The following LSM14A variants were observed in gnomAD, a reference collection of about 807,000 sequenced individuals.
LSM14A encodes the protein protein LSM14 homolog A.
A neutral mutation model predicts 52.4 loss-of-function variants in LSM14A; 14 were observed. The ratio of observed to expected loss-of-function variants is 0.27; its 90% confidence interval spans 0.18 to 0.42. LSM14A has a LOEUF of 0.42. LSM14A is among the 10% of genes least tolerant of loss of function. LSM14A has a pLI of 1.00. For synonymous variants in LSM14A, 185 were observed against 200.3 expected (o/e 0.92, Z 0.64); for missense variants, 417 against 581.8 (o/e 0.72, Z 2.91).
intron 9 of LSM14A, among the ~76,000 whole-genome samples, chr19:34,224,643 C>T (rs1339638979): frequency 6.6e-6 from 1 of 152,196 alleles, no homozygotes; most frequent in African/African-American, 2.4e-5. Flanking sequence ...CCCTGCTCTT[C>T]TTAATTGTGT....
intron 1 of LSM14A, among the ~76,000 whole-genome samples, chr19:34,181,073 C>T (rs2069446633): frequency 6.6e-6 from 1 of 152,078 alleles, no homozygotes; most frequent in Non-Finnish European, 1.5e-5. Flanking sequence ...GCATCTGTTC[C>T]CCAGACTTCT....
rs1389755629 is a variant in LSM14A, at chr19:34,172,667, G to C, written c.25G>C (p.Gly9Arg). The C allele has an allele frequency of 6.3e-7, 1 of 1,576,752 alleles. No individual in the cohort carries two copies. The highest frequency in any genetic ancestry group is 8.6e-7 in the Non-Finnish European group (1 of 1,163,390). Residue 9 changes from glycine (G) to arginine (R), a missense_variant, in exon 1 of 10, where the codon GGC becomes CGC. Gly to Arg is a moderately radical substitution (Grantham distance 125, BLOSUM62 -2). Transcript: ENST00000544216. ...CATGAGCGGGGGCACCCCTTACATC[G>C]GCAGCAAGATCAGCCTCATCTCCAA... MSGGTPYI[G>R]SKISLISKAE... is the part of the protein sequence containing the mutation.
At chr19:34,187,211 T>C (rs899094738) in intron 1 of LSM14A, among the ~76,000 whole-genome samples, 4 of 150,086 alleles carry the variant, frequency 2.7e-5, no homozygotes, top group African/African-American at 7.4e-5. Context: ...ATCGCGCCAC[T>C]GCACTCCAGC....
chr19:34,194,381 C>A (rs1599678675), intron 1 of LSM14A, 97 bp from the exon 2 acceptor site: 1 of 1,100,610 alleles, frequency 9.1e-7, no homozygotes, highest in Non-Finnish European at 1.3e-6. Flanking sequence ...CATTTCAGAA[C>A]TACTGCTTAG....
At chr19:34,184,740 A>G (rs1039859684) in intron 1 of LSM14A, among the ~76,000 whole-genome samples, 7 of 152,102 alleles carry the variant, frequency 4.6e-5, no homozygotes, top group African/African-American at 1.7e-4. Flanking sequence ...TAGGTTACAG[A>G]TTGTTATTAT....
intron 9 of LSM14A, among the ~76,000 whole-genome samples, chr19:34,224,839 C>T (rs917766458): frequency 1.3e-5 from 2 of 152,136 alleles, no homozygotes; most frequent in African/African-American, 4.8e-5. Context: ...TGGTGCTGAC[C>T]GATGTAGGCC....
At chr19:34,202,886 T>C in intron 3 of LSM14A, among the ~76,000 whole-genome samples, 1 of 152,172 alleles carries the variant, frequency 6.6e-6, no homozygotes, top group East Asian at 1.9e-4. Context: ...CTCGATCTCC[T>C]GACCTCGTGA....
rs2072481865 is a variant in LSM14A, at chr19:34,215,182, G to T, written c.597G>T (p.Val199=). 1 of 1,614,146 alleles carries T rather than the reference G, an allele frequency of 6.2e-7. No homozygotes were observed. The highest frequency in any genetic ancestry group is 8.5e-7 in the Non-Finnish European group (1 of 1,180,026). The change falls in exon 5 of 10, where the codon GTG becomes GTT. Residue 199 remains valine, a synonymous_variant. Coordinates refer to ENST00000544216, the MANE Select transcript of LSM14A (RefSeq NM_015578.4). ...AAAGCCCAACCATGGAACAAGCAGTGCAGACCGCCTCAGCCCACTTACCTG... is the reference window on the plus strand; with the variant it reads ...AAAGCCCAACCATGGAACAAGCAGTTCAGACCGCCTCAGCCCACTTACCTG... The part of the protein sequence containing the change: ...LRKSPTMEQA[V]QTASAHLPAP...
At chr19:34,207,640 T>C (rs2071801825) in intron 3 of LSM14A, among the ~76,000 whole-genome samples, 1 of 152,022 alleles carries the variant, frequency 6.6e-6, no homozygotes, top group Non-Finnish European at 1.5e-5. Flanking sequence ...CAAGCAATTT[T>C]CCTACCTCAG....
At chr19:34,203,099 G>A (rs1396656262) in intron 3 of LSM14A, among the ~76,000 whole-genome samples, 1 of 152,088 alleles carries the variant, frequency 6.6e-6, no homozygotes, top group Non-Finnish European at 1.5e-5. Context: ...TGTTACCATT[G>A]AACAGTAGCA....
intron 2 of LSM14A, 86 bp downstream of exon 2, chr19:34,194,727 T>C: frequency 8.1e-6 from 10 of 1,227,376 alleles, no homozygotes; most frequent in East Asian, 2.3e-5. Context: ...TGAATGTTCA[T>C]GTAGCTTATC....
intron 4 of LSM14A, among the ~76,000 whole-genome samples, chr19:34,211,348 A>T (rs2072136091): frequency 6.6e-6 from 1 of 152,258 alleles, no homozygotes; most frequent in Admixed American, 6.5e-5. Flanking sequence ...TGATTATGTA[A>T]TGAGGAGAAA....
chr19:34,226,155 G>A lies in LSM14A; in HGVS notation c.1369-1210G>A, dbSNP rs1292530582. The stretch of plus-strand genomic sequence containing the variant: ...CACCGCCCATTCTTTTTTGAGGTGA[G>A]AATGGAAATCAGGACTAGCAATAAT... On this transcript the variant is annotated intron_variant, in intron 9 of 9. Transcript: ENST00000544216. Among the ~76,000 whole-genome samples, 9 of 152,112 alleles carry A rather than the reference G, an allele frequency of 5.9e-5. No individual in the cohort carries two copies. In the South Asian group the frequency reaches 8.3e-4, roughly 14 times the overall value.
chr19:34,221,722 C>T lies in LSM14A; in HGVS notation c.1352C>T (p.Ala451Val), dbSNP rs201565347. The change falls in exon 9 of 10, where the codon GCG becomes GTG. Residue 451 changes from alanine to valine, a missense_variant. This residue lies in a region of LSM14A where 357 missense variants were observed against 457.0 expected (regional missense o/e 0.78). Coordinates refer to ENST00000544216, the MANE Select transcript of LSM14A (RefSeq NM_015578.4). Reference sequence around the variant, plus strand: ...GGAGGTCGTGGGGGCCGGGAGTTTGCGGATTTTGAATATAGGGTAAGTGTT... The same window carrying T: ...GGAGGTCGTGGGGGCCGGGAGTTTGTGGATTTTGAATATAGGGTAAGTGTT... ...FRGGRGGREF[A>V]DFEYRKDNKV... The T allele has an allele frequency of 8.7e-6, 14 of 1,612,384 alleles. No individual in the cohort carries two copies. The highest frequency in any genetic ancestry group is 6.7e-5 in the Admixed American group (4 of 59,950).
chr19:34,217,097 A>G (rs1045247322), intron 6 of LSM14A, among the ~76,000 whole-genome samples: 1 of 149,784 alleles, frequency 6.7e-6, no homozygotes, highest in Non-Finnish European at 1.5e-5. Context: ...TGTCTCTACT[A>G]AAAATAGAAA....
intron 1 of LSM14A, among the ~76,000 whole-genome samples, chr19:34,175,759 T>C (rs2069041643): frequency 6.6e-6 from 1 of 152,204 alleles, no homozygotes. Flanking sequence ...GTTGAGTAAT[T>C]CGATATCAGA....
chr19:34,201,319 G>A (rs1298974192), intron 3 of LSM14A, among the ~76,000 whole-genome samples: 1 of 152,176 alleles, frequency 6.6e-6, no homozygotes, highest in Non-Finnish European at 1.5e-5. Context: ...GGTGACAGAT[G>A]TTTTTCAGAA....
chr19:34,203,481 C>T (rs1166037414), intron 3 of LSM14A, among the ~76,000 whole-genome samples: 1 of 151,982 alleles, frequency 6.6e-6, no homozygotes, highest in Non-Finnish European at 1.5e-5. Context: ...GGTGTTTCAA[C>T]CATTATGGAT....
At chr19:34,215,356 C>T in intron 5 of LSM14A, 56 bp downstream of exon 5, 4 of 1,455,802 alleles carry the variant, frequency 2.7e-6, no homozygotes, top group Non-Finnish European at 3.7e-6. Context: ...TTTCCACTCA[C>T]TTTATTTTCA....
Sources: gnomAD v4.1 joint callset for allele counts (sites outside exome capture counted in the v4.1 genomes callset) on GRCh38, gnomAD v4.1.1 for gene constraint, gnomAD v4.1.1 regional missense constraint, MANE v1.5 for transcripts, NCBI Gene and HGNC (gene_info 2026-07-23, HGNC 2026-07-21) for gene names.